The following CNTLN variants were observed in gnomAD, a reference collection of about 807,000 sequenced individuals.
The protein encoded by CNTLN is centlein, centrosomal protein.
In CNTLN, 212 loss-of-function variants were observed where a neutral mutation model predicts 180.0. That is an observed-to-expected ratio of 1.18 (90% CI 1.05 to 1.32). The LOEUF (loss-of-function observed/expected upper bound fraction) is 1.32. Ranked by LOEUF, CNTLN falls within the 40% of genes most tolerant of loss-of-function variation. The probability of loss-of-function intolerance (pLI) is 0.00; values close to 1 mark genes in which losing one functional copy is unlikely to be tolerated. For synonymous variants in CNTLN, 722 were observed against 563.1 expected (o/e 1.28, Z -3.99); for missense variants, 2,095 against 1,610.9 (o/e 1.30, Z -5.14).
At chr9:17,369,565 A>G (rs1248127924) in intron 13 of CNTLN, among the ~76,000 whole-genome samples, 1 of 151,814 alleles carries the variant, frequency 6.6e-6, no homozygotes, top group Non-Finnish European at 1.5e-5. Flanking sequence ...GAAATTTAAC[A>G]AAGTGATTGA....
chr9:17,487,649 A>G (rs564262201), intron 25 of CNTLN, among the ~76,000 whole-genome samples: 1 of 152,122 alleles, frequency 6.6e-6, no homozygotes, highest in East Asian at 1.9e-4. Context: ...ACATTTTCCT[A>G]TCGACATTTT....
the CNTLN span, among the ~76,000 whole-genome samples, chr9:17,521,755 G>A: frequency 6.6e-6 from 1 of 152,090 alleles, no homozygotes; most frequent in African/African-American, 2.4e-5. Context: ...GATCATTTTT[G>A]ACATTACAAG....
intron 3 of CNTLN, among the ~76,000 whole-genome samples, chr9:17,231,575 A>C (rs1359842900): frequency 6.6e-6 from 1 of 151,958 alleles, no homozygotes; most frequent in Non-Finnish European, 1.5e-5. Context: ...ATTATATTTC[A>C]TTTTTTCCTT....
At chr9:17,511,205 A>C in the CNTLN span, among the ~76,000 whole-genome samples, 2 of 152,206 alleles carry the variant, frequency 1.3e-5, no homozygotes, top group Non-Finnish European at 2.9e-5. Context: ...TGGGATGATA[A>C]GGACAGGTTG....
At chr9:17,439,315 C>T (rs770637695) in intron 18 of CNTLN, among the ~76,000 whole-genome samples, 1 of 151,926 alleles carries the variant, frequency 6.6e-6, no homozygotes, top group Non-Finnish European at 1.5e-5. Flanking sequence ...ATAACTAGGC[C>T]ACAAAACAAC....
At chr9:17,469,196 T>G (rs535844955) in intron 23 of CNTLN, among the ~76,000 whole-genome samples, 6 of 151,924 alleles carry the variant, frequency 3.9e-5, no homozygotes, top group African/African-American at 1.4e-4. Flanking sequence ...TAATAAAGTT[T>G]TAGAAGCACT....
chr9:17,316,363 GA>G, intron 8 of CNTLN, among the ~76,000 whole-genome samples: 1 of 152,054 alleles, frequency 6.6e-6, no homozygotes, highest in South Asian at 2.1e-4. Flanking sequence ...CCATATAGTT[GA>G]ATTATGATTT....
At chr9:17,201,279 T>C (rs993602754) in intron 2 of CNTLN, among the ~76,000 whole-genome samples, 1 of 152,242 alleles carries the variant, frequency 6.6e-6, no homozygotes, top group African/African-American at 2.4e-5. Flanking sequence ...ATTAAGGACA[T>C]TGGCCTGAAA....
At chr9:17,472,665 G>C (rs1396077187) in intron 23 of CNTLN, among the ~76,000 whole-genome samples, 2 of 151,956 alleles carry the variant, frequency 1.3e-5, no homozygotes, top group African/African-American at 2.4e-5. Flanking sequence ...CAGGAGCCAG[G>C]GTGGTTAAAA....
chr9:17,500,166 A>G (rs1431645912), intron 25 of CNTLN, among the ~76,000 whole-genome samples: 1 of 152,228 alleles, frequency 6.6e-6, no homozygotes, highest in East Asian at 1.9e-4. Context: ...AAGGAAGCTT[A>G]TAATCTAATA....
intron 2 of CNTLN, among the ~76,000 whole-genome samples, chr9:17,221,499 C>G (rs574192688): frequency 1.3e-5 from 2 of 151,966 alleles, no homozygotes; most frequent in African/African-American, 4.8e-5. Flanking sequence ...AATAATAAAG[C>G]AAGATAAAGT....
intron 16 of CNTLN, among the ~76,000 whole-genome samples, chr9:17,414,763 A>G (rs1828098413): frequency 6.6e-6 from 1 of 152,204 alleles, no homozygotes; most frequent in Non-Finnish European, 1.5e-5. Flanking sequence ...ATAATTTTCT[A>G]GATTGCATAT....
At chr9:17,444,715 G>A (rs1830303702) in intron 18 of CNTLN, among the ~76,000 whole-genome samples, 1 of 152,174 alleles carries the variant, frequency 6.6e-6, no homozygotes, top group East Asian at 1.9e-4. Context: ...CTGCCTGAGA[G>A]TCAGGTATTT....
chr9:17,424,391 T>C (rs1828940482), intron 18 of CNTLN, among the ~76,000 whole-genome samples: 2 of 152,136 alleles, frequency 1.3e-5, no homozygotes, highest in African/African-American at 4.8e-5. Context: ...AAATGCTCTC[T>C]TTTTTTGTTC....
chr9:17,237,178 T>A lies in CNTLN; in HGVS notation c.849+590T>A, dbSNP rs371158841. On this transcript the variant is annotated intron_variant, in intron 5 of 25. Coordinates refer to ENST00000380647, the MANE Select transcript of CNTLN (RefSeq NM_017738.4). ...AGTGAGGCAGTGGTTTCTTACAATTTTATTAGTATTTTTCAAAATAATACT... is the reference window on the plus strand; with the variant it reads ...AGTGAGGCAGTGGTTTCTTACAATTATATTAGTATTTTTCAAAATAATACT... Among the ~76,000 whole-genome samples the A allele has an allele frequency of 7.6e-4, 116 of 152,188 alleles. 2 individuals are homozygous for A. The South Asian group carries it at 0.023, about 30-fold the overall frequency.
chr9:17,301,412 A>G, intron 7 of CNTLN: 1 of 985,442 alleles, frequency 1.0e-6, no homozygotes, highest in East Asian at 1.1e-4. Context: ...CAGAATAAAA[A>G]TAAAAGAGAA....
At chr9:17,229,255 T>G (rs1322444646) in intron 3 of CNTLN, among the ~76,000 whole-genome samples, 1 of 152,024 alleles carries the variant, frequency 6.6e-6, no homozygotes, top group Non-Finnish European at 1.5e-5. Context: ...TGGAGTGGGT[T>G]TTTGAAAAAG....
chr9:17,174,476 A>T (rs1191112329), intron 2 of CNTLN, among the ~76,000 whole-genome samples: 1 of 152,106 alleles, frequency 6.6e-6, no homozygotes, highest in African/African-American at 2.4e-5. Context: ...TGGGTGGATC[A>T]CCTGAAGTCA....
intron 6 of CNTLN, among the ~76,000 whole-genome samples, chr9:17,297,784 A>G (rs371637811): frequency 6.6e-6 from 1 of 152,180 alleles, no homozygotes; most frequent in Non-Finnish European, 1.5e-5. Flanking sequence ...TCTTTTTAAT[A>G]TATTTAAAGT....
Sources: allele counts gnomAD v4.1 joint callset (sites outside exome capture counted in the v4.1 genomes callset), GRCh38; gene constraint gnomAD v4.1.1; transcripts MANE v1.5; gene names NCBI Gene and HGNC (gene_info 2026-07-23, HGNC 2026-07-21).